Variants in CDK19 observed in about 807,000 individuals in gnomAD.
CDK19 encodes cyclin dependent kinase 19.
Under a neutral mutation model 68.3 loss-of-function variants are expected in CDK19, and 20 were observed. The ratio of observed to expected loss-of-function variants is 0.29; its 90% confidence interval spans 0.21 to 0.43. The LOEUF (loss-of-function observed/expected upper bound fraction) is 0.43, where lower values mean the gene tolerates loss of function less well. Ranked by LOEUF, CDK19 falls within the 20% of genes least tolerant of loss-of-function variation. The pLI is 1.00. For synonymous variants in CDK19, 221 were observed against 222.8 expected, an observed-to-expected ratio of 0.99 and a Z score of 0.07; for missense variants, 339 against 623.5, an observed-to-expected ratio of 0.54 and a Z score of 4.86.
At chr6:110,683,994 C>A (rs1772236180) in intron 2 of CDK19, among the ~76,000 whole-genome samples, 1 of 151,838 alleles carries the variant, frequency 6.6e-6, no homozygotes. Context: ...CAGGCATGAG[C>A]CACCATGCCC....
intron 2 of CDK19, among the ~76,000 whole-genome samples, chr6:110,707,448 T>A (rs1049697339): frequency 1.3e-5 from 2 of 152,030 alleles, no homozygotes; most frequent in Non-Finnish European, 2.9e-5. Flanking sequence ...GATACCTGTA[T>A]CCAAAGATGT....
At chr6:110,637,222 C>T (rs1779838806) in intron 5 of CDK19, among the ~76,000 whole-genome samples, 1 of 152,208 alleles carries the variant, frequency 6.6e-6, no homozygotes, top group South Asian at 2.1e-4. Context: ...AGGGACCATC[C>T]TTTATCTCCC....
chr6:110,752,925 T>TTTTA (rs1373603629), intron 1 of CDK19, among the ~76,000 whole-genome samples: 20 of 152,146 alleles, frequency 1.3e-4, no homozygotes, highest in Non-Finnish European at 1.8e-4. Context: ...GTTTTTGGTT[T>TTTTA]TTTATTTGTT....
chr6:110,814,778 C>T (rs1214366205), intron 1 of CDK19: 1 of 669,630 alleles, frequency 1.5e-6, no homozygotes, highest in Admixed American at 2.1e-5. Flanking sequence ...TGGGACGGGA[C>T]CGACGCCTCG....
chr6:110,769,531 C>G (rs1332346376), intron 1 of CDK19, among the ~76,000 whole-genome samples: 4 of 149,860 alleles, frequency 2.7e-5, no homozygotes, highest in Non-Finnish European at 5.9e-5. Context: ...CACCACTGCA[C>G]TCTAGCCTGG....
In CDK19 at chr6:110,759,404, T is replaced by TAAAAAAAAAAAA. The variant is rs1157889434; in HGVS notation, c.129-13215_129-13204dup. Among the ~76,000 whole-genome samples, 2 of 57,226 alleles carry TAAAAAAAAAAAA rather than the reference T, an allele frequency of 3.5e-5. 1 individual carries two copies. Among genetic ancestry groups the TAAAAAAAAAAAA allele is most frequent in the African/African-American group, 1.5e-4 (2 of 13,078 alleles). 37.5% of individuals were successfully genotyped at this position (57,226 alleles called of 152,430 possible). A position where few individuals can be genotyped will look rare whatever the true frequency, so the allele number is the denominator to read the frequency against. ...TGGGCAACAGAGTGAGACTCCGTCT[T>TAAAAAAAAAAAA]AAAAAAAAAAAAAAAAAAAAAAAAA... On this transcript the variant is annotated intron_variant, in intron 1 of 12. Coordinates refer to ENST00000368911, the MANE Select transcript of CDK19 (RefSeq NM_015076.5).
intron 2 of CDK19, among the ~76,000 whole-genome samples, chr6:110,699,053 C>CA (rs564638902): frequency 0.57 from 61,346 of 108,554 alleles, 16,901 homozygotes; most frequent in East Asian, 0.85. Context: ...GACCCTGTCT[C>CA]AAAAAAAAAA....
chr6:110,681,122 G>T (rs1771978545), intron 2 of CDK19, among the ~76,000 whole-genome samples: 1 of 152,180 alleles, frequency 6.6e-6, no homozygotes, highest in South Asian at 2.1e-4. Flanking sequence ...CAGATCACTT[G>T]ATGTCTTGAG....
chr6:110,794,010 C>T (rs563992053), intron 1 of CDK19, among the ~76,000 whole-genome samples: 2 of 152,242 alleles, frequency 1.3e-5, no homozygotes, highest in East Asian at 1.9e-4. Context: ...AATCCACACA[C>T]GATAAACAGC....
At chr6:110,635,608 C>G in intron 5 of CDK19, among the ~76,000 whole-genome samples, 1 of 152,170 alleles carries the variant, frequency 6.6e-6, no homozygotes, top group East Asian at 1.9e-4. Context: ...GGCATGATCT[C>G]GGCTCACTGC....
intron 1 of CDK19, among the ~76,000 whole-genome samples, chr6:110,797,984 C>CAAAAAAAAAAA (rs56710819): frequency 1.4e-4 from 12 of 87,204 alleles, no homozygotes; most frequent in Non-Finnish European, 1.8e-4. Flanking sequence ...GACTCCGTCT[C>CAAAAAAAAAAA]AAAAAAAAAA....
At chr6:110,638,844 ATAGT>A in intron 4 of CDK19, 138 bp from the exon 5 acceptor site, 2 of 581,904 alleles carry the variant, frequency 3.4e-6, no homozygotes, top group Non-Finnish European at 3.0e-6. Flanking sequence ...CACCCTCTAC[ATAGT>A]TAAAGCATTT....
chr6:110,814,439 C>A (rs541034557), intron 1 of CDK19: 15 of 359,372 alleles, frequency 4.2e-5, no homozygotes, highest in Non-Finnish European at 7.5e-5. Flanking sequence ...CATAGAGAAG[C>A]CAACGGGCCG....
In CDK19 at chr6:110,815,271, G is replaced by T; in HGVS notation, c.-135C>A. 3 of 1,033,888 alleles carry T rather than the reference G, an allele frequency of 2.9e-6. No individual in the cohort carries two copies. The highest frequency in any genetic ancestry group is 3.8e-6 in the Non-Finnish European group (3 of 787,516). The allele number at this position is 1,033,888 out of a possible 1,614,324, so 64.0% of individuals were successfully genotyped here. On this transcript the variant is annotated 5_prime_UTR_variant, in exon 1 of 13. Coordinates refer to ENST00000368911, the MANE Select transcript of CDK19 (RefSeq NM_015076.5). ...CGCGCGCGCGCGCCGCCCGCCGCCC[G>T]CCGCTCCGCGGTCCGCCTTCAGCAA...
chr6:110,612,011 A>C lies in CDK19; in HGVS notation c.*2524T>G, dbSNP rs1196793577. On this transcript the variant is annotated 3_prime_UTR_variant, in exon 13 of 13. Coordinates refer to ENST00000368911, the MANE Select transcript of CDK19 (RefSeq NM_015076.5). ...GGAGCAACTGACGAAATCCCCTTACAGTTTATATTTCAGTTCTGCCAGCAA... is the reference window on the plus strand; with the variant it reads ...GGAGCAACTGACGAAATCCCCTTACCGTTTATATTTCAGTTCTGCCAGCAA... 6.6e-6 allele frequency: 1 copy of C among 152,224 alleles called. No homozygotes were observed. Among genetic ancestry groups the C allele is most frequent in the Non-Finnish European group, 1.5e-5 (1 of 68,042 alleles). The allele number at this position is 152,224 out of a possible 1,614,324, so 9.4% of individuals were successfully genotyped here.
Position 110,614,475 on chromosome 6 carries a change from G to T in CDK19, c.*60C>A. ...TTGCATTTTTTTGGTTCTTTTCAAT[G>T]CAGACATATTGCTGGAGCCTGTGCT... On this transcript the variant is annotated 3_prime_UTR_variant, in exon 13 of 13. Transcript: ENST00000368911. 1 of 1,560,106 alleles carries T rather than the reference G, an allele frequency of 6.4e-7. No homozygotes were observed. The highest frequency in any genetic ancestry group is 8.7e-7 in the Non-Finnish European group (1 of 1,146,638).
At chr6:110,701,168 C>G (rs545869045) in intron 2 of CDK19, among the ~76,000 whole-genome samples, 1 of 152,070 alleles carries the variant, frequency 6.6e-6, no homozygotes, top group African/African-American at 2.4e-5. Flanking sequence ...CGTGCCACTG[C>G]ACTCTAGCCT....
At chr6:110,760,536 TG>T (rs1779163333) in intron 1 of CDK19, among the ~76,000 whole-genome samples, 1 of 151,626 alleles carries the variant, frequency 6.6e-6, no homozygotes, top group African/African-American at 2.4e-5. Context: ...AAGACTAGCC[TG>T]GGCAACACAA....
intron 1 of CDK19, among the ~76,000 whole-genome samples, chr6:110,785,903 C>T (rs768356663): frequency 4.0e-5 from 6 of 151,572 alleles, no homozygotes; most frequent in Non-Finnish European, 7.4e-5. Context: ...TCGCTTGAAC[C>T]GGGGAGGCAG....
Sources: gnomAD v4.1 joint callset for allele counts (sites outside exome capture counted in the v4.1 genomes callset) on GRCh38, gnomAD v4.1.1 for gene constraint, MANE v1.5 for transcripts, NCBI Gene and HGNC (gene_info 2026-07-23, HGNC 2026-07-21) for gene names.